PRKN: variants seen among roughly 807,000 people sequenced by gnomAD.
PRKN encodes the protein E3 ubiquitin-protein ligase parkin.
A neutral mutation model predicts 59.5 loss-of-function variants in PRKN; 56 were observed. That is an observed-to-expected ratio of 0.94 (90% CI 0.76 to 1.18). The LOEUF is 1.18. PRKN is among the 50% of genes most tolerant of loss of function. The pLI, the probability that PRKN is intolerant of heterozygous loss-of-function variation, is 0.00. For missense variants in PRKN, 657 were observed against 596.4 expected, an observed-to-expected ratio of 1.10 and a Z score of -1.06; for synonymous variants, 250 against 222.1, an observed-to-expected ratio of 1.13 and a Z score of -1.12.
At chr6:161,511,419 G>GA (rs1390072856) in intron 9 of PRKN, among the ~76,000 whole-genome samples, 1 of 152,202 alleles carries the variant, frequency 6.6e-6, no homozygotes, top group Non-Finnish European at 1.5e-5. Flanking sequence ...CTAAGACTGT[G>GA]ATGTCAACTG....
At chr6:161,489,232 G>GA (rs35552619) in intron 9 of PRKN, among the ~76,000 whole-genome samples, 5,661 of 147,530 alleles carry the variant, frequency 0.038, 234 homozygotes, top group African/African-American at 0.11. Context: ...ATTCATACTG[G>GA]AAAAAAAAAA....
intron 3 of PRKN, among the ~76,000 whole-genome samples, chr6:162,203,310 A>C (rs1255407665): frequency 1.3e-5 from 2 of 152,112 alleles, no homozygotes; most frequent in African/African-American, 2.4e-5. Flanking sequence ...AGCATACAAG[A>C]TGACATGCAA....
intron 1 of PRKN, chr6:162,694,751 T>A (rs1177938350): frequency 2.0e-5 from 3 of 152,246 alleles, no homozygotes; most frequent in African/African-American, 2.4e-5. Flanking sequence ...TTAAAGTTAT[T>A]CATCTGGATC....
chr6:161,884,003 T>C (rs1432635564), intron 6 of PRKN, among the ~76,000 whole-genome samples: 1 of 149,180 alleles, frequency 6.7e-6, no homozygotes, highest in Non-Finnish European at 1.5e-5. Flanking sequence ...ATTTTCTTTT[T>C]GTTACTCTTG....
At chr6:161,662,163 G>A (rs1239721668) in intron 7 of PRKN, among the ~76,000 whole-genome samples, 3 of 152,166 alleles carry the variant, frequency 2.0e-5, no homozygotes, top group Non-Finnish European at 2.9e-5. Context: ...AAATTCTTCA[G>A]TAAGCCATCA....
chr6:162,160,006 A>G (rs1562549778), intron 4 of PRKN, among the ~76,000 whole-genome samples: 1 of 152,212 alleles, frequency 6.6e-6, no homozygotes, highest in African/African-American at 2.4e-5. Context: ...TCTTGAATGT[A>G]ACACCAAAAG....
chr6:162,590,846 G>A (rs756861112), intron 1 of PRKN, among the ~76,000 whole-genome samples: 26 of 152,120 alleles, frequency 1.7e-4, no homozygotes, highest in Non-Finnish European at 3.7e-4. Flanking sequence ...CATACTCTGG[G>A]CACACAACAG....
intron 5 of PRKN, among the ~76,000 whole-genome samples, chr6:162,010,000 C>T (rs1480726568): frequency 6.6e-6 from 1 of 151,342 alleles, no homozygotes; most frequent in African/African-American, 2.4e-5. Context: ...ATAACTTCAA[C>T]ATCTGCATGC....
chr6:162,512,245 G>C (rs1777657656), intron 1 of PRKN, among the ~76,000 whole-genome samples: 1 of 152,094 alleles, frequency 6.6e-6, no homozygotes, highest in Non-Finnish European at 1.5e-5. Context: ...TTCTTGATGG[G>C]GATCTGCTAA....
chr6:162,021,408 C>G (rs544589415), intron 5 of PRKN, among the ~76,000 whole-genome samples: 1 of 144,572 alleles, frequency 6.9e-6, no homozygotes, highest in Admixed American at 6.9e-5. Context: ...CTGTTCCTCT[C>G]ATACTTTTTG....
At chr6:161,422,627 T>C (rs2115031045) in intron 9 of PRKN, among the ~76,000 whole-genome samples, 1 of 152,230 alleles carries the variant, frequency 6.6e-6, no homozygotes, top group African/African-American at 2.4e-5. Flanking sequence ...TATTCCCCCT[T>C]TCTCTGCTGA....
chr6:161,476,038 T>G (rs1791054705), intron 9 of PRKN, among the ~76,000 whole-genome samples: 1 of 151,796 alleles, frequency 6.6e-6, no homozygotes, highest in South Asian at 2.1e-4. Flanking sequence ...TACAAAAAAA[T>G]TAGCCGGGCG....
At chr6:162,021,229 AAT>A (rs1166725786) in intron 5 of PRKN, among the ~76,000 whole-genome samples, 3 of 138,116 alleles carry the variant, frequency 2.2e-5, no homozygotes, top group Admixed American at 7.6e-5. Context: ...ATATACATCA[AAT>A]ATATATATAA....
rs1335333210 is a variant in PRKN at position 161,503,433 on chromosome 6, T to TTCATCCTAAATAACC, written c.1083+45406_1083+45420dup. ...ACAAATATATGGGATAAGTACCATTTTCATCCTAAATAACCTCTGCCACTA... is the reference window on the plus strand; with the variant it reads ...ACAAATATATGGGATAAGTACCATTTTCATCCTAAATAACCTCATCCTAAATAACCTCTGCCACTA... On this transcript the variant is annotated intron_variant, in intron 9 of 11. Coordinates refer to ENST00000366898, the MANE Select transcript of PRKN (RefSeq NM_004562.3). This position sits in a 1 kb window ranked among gnomAD's most constrained non-coding sequence, Gnocchi z 5.1. 6.6e-6 allele frequency among the ~76,000 whole-genome samples: 1 copy of TTCATCCTAAATAACC among 152,212 alleles called. No homozygotes were observed. Among genetic ancestry groups the TTCATCCTAAATAACC allele is most frequent in the East Asian group, 1.9e-4 (1 of 5,194 alleles).
intron 2 of PRKN, among the ~76,000 whole-genome samples, chr6:162,292,333 CA>C (rs1366174705): frequency 7.2e-5 from 11 of 152,258 alleles, no homozygotes; most frequent in Admixed American, 7.2e-4. Context: ...ACCAGAGATG[CA>C]ACACCATAAA....
intron 6 of PRKN, among the ~76,000 whole-genome samples, chr6:161,849,554 C>T (rs748651100): frequency 2.0e-5 from 3 of 152,156 alleles, no homozygotes; most frequent in Non-Finnish European, 4.4e-5. Flanking sequence ...CCTCACACTC[C>T]CATAGGGTCA....
chr6:161,713,786 T>C, intron 7 of PRKN, among the ~76,000 whole-genome samples: 1 of 152,166 alleles, frequency 6.6e-6, no homozygotes, highest in East Asian at 1.9e-4. Context: ...TCTTGAATTG[T>C]AGCTCCATAA....
chr6:161,657,450 C>T (rs1038787838), intron 7 of PRKN, among the ~76,000 whole-genome samples: 3 of 152,216 alleles, frequency 2.0e-5, no homozygotes, highest in Non-Finnish European at 4.4e-5. Flanking sequence ...ATTCAAGACC[C>T]TGTGTGAGTG....
chr6:162,070,804 G>A (rs897748499), intron 4 of PRKN, among the ~76,000 whole-genome samples: 3 of 152,136 alleles, frequency 2.0e-5, no homozygotes, highest in Non-Finnish European at 4.4e-5. Flanking sequence ...TTGACAGGAG[G>A]TGGAGCTCGG....
Sources: gnomAD v4.1 joint callset for allele counts (sites outside exome capture counted in the v4.1 genomes callset) on GRCh38, gnomAD v4.1.1 for gene constraint, Gnocchi (gnomAD v3.1) non-coding constraint, MANE v1.5 for transcripts, NCBI Gene and HGNC (gene_info 2026-07-23, HGNC 2026-07-21) for gene names.